Variants in TBL1XR1 observed in about 807,000 individuals in gnomAD.
The protein encoded by TBL1XR1 is F-box-like/WD repeat-containing protein TBL1XR1.
In TBL1XR1, 5 loss-of-function variants were observed where a neutral mutation model predicts 66.9. The ratio of observed to expected loss-of-function variants is 0.07; its 90% CI spans 0.04 to 0.16. The LOEUF (loss-of-function observed/expected upper bound fraction) is 0.16, where lower values mean the gene tolerates loss of function less well. Ranked by LOEUF, TBL1XR1 falls within the 10% of genes least tolerant of loss-of-function variation. The probability of loss-of-function intolerance (pLI) is 1.00; values close to 1 mark genes in which losing one functional copy is unlikely to be tolerated. For missense variants in TBL1XR1, 238 were observed against 623.2 expected, an observed-to-expected ratio of 0.38 and a Z score of 6.58; for synonymous variants, 210 against 206.0, an observed-to-expected ratio of 1.02 and a Z score of -0.17.
In TBL1XR1 at chr3:177,110,571, G is replaced by A. The variant is rs145044683; in HGVS notation, c.-121-12030C>T. Among the ~76,000 whole-genome samples the A allele has an allele frequency of 1.5e-3, 226 of 152,214 alleles. 2 individuals are homozygous for A. The highest frequency in any genetic ancestry group is 4.1e-3 in the Admixed American group (62 of 15,282). ...GAGGAGGCAAAGGATAAATGTCTGT[G>A]AAAATGCATAAAGCTAGAACTATGA... On this transcript the variant is annotated intron_variant, in intron 1 of 15. Coordinates refer to ENST00000457928, the MANE Select transcript of TBL1XR1 (RefSeq NM_024665.7).
At chr3:177,027,885 G>C (rs1368962420) in intron 14 of TBL1XR1, 1 of 152,026 alleles carries the variant, frequency 6.6e-6, no homozygotes, top group Non-Finnish European at 1.5e-5. Context: ...TTAATGAGGA[G>C]AGAAAAAAGT....
At chr3:177,113,823 C>T (rs1382022457) in intron 1 of TBL1XR1, among the ~76,000 whole-genome samples, 2 of 152,142 alleles carry the variant, frequency 1.3e-5, no homozygotes, top group Non-Finnish European at 2.9e-5. Context: ...TATCTCACCC[C>T]AGTCAGTATG....
At chr3:177,113,540 C>T (rs906792938) in intron 1 of TBL1XR1, among the ~76,000 whole-genome samples, 1 of 152,022 alleles carries the variant, frequency 6.6e-6, no homozygotes, top group Non-Finnish European at 1.5e-5. Flanking sequence ...TATTTAAAAT[C>T]GGCAAAATGG....
At chr3:177,115,721 AT>A (rs911222213) in intron 1 of TBL1XR1, among the ~76,000 whole-genome samples, 1 of 152,140 alleles carries the variant, frequency 6.6e-6, no homozygotes, top group Non-Finnish European at 1.5e-5. Context: ...TAAGCTTTTG[AT>A]TTTTTTAGTT....
At chr3:177,130,051 T>C (rs7647456) in intron 1 of TBL1XR1, among the ~76,000 whole-genome samples, 146,550 of 151,578 alleles carry the variant, frequency 0.97, 70,886 homozygotes, top group East Asian at 1. Flanking sequence ...AGATGGAGGC[T>C]GGAGAATCGC....
intron 1 of TBL1XR1, among the ~76,000 whole-genome samples, chr3:177,180,171 G>A (rs1452452234): frequency 4.7e-5 from 7 of 150,364 alleles, no homozygotes; most frequent in African/African-American, 1.7e-4. Flanking sequence ...CGGGAGGCGT[G>A]GGTTGCAGTG....
At chr3:177,176,773 C>G (rs2108950856) in intron 1 of TBL1XR1, among the ~76,000 whole-genome samples, 1 of 152,086 alleles carries the variant, frequency 6.6e-6, no homozygotes, top group Non-Finnish European at 1.5e-5. Context: ...CAAGATTGCG[C>G]CACTGCACTC....
chr3:177,057,907 C>T (rs1224299789), intron 3 of TBL1XR1, among the ~76,000 whole-genome samples: 3 of 152,132 alleles, frequency 2.0e-5, no homozygotes, highest in East Asian at 3.9e-4. Context: ...GCAACGACAG[C>T]TGGCAGGGAG....
At chr3:177,133,667 G>A (rs1037099262) in intron 1 of TBL1XR1, among the ~76,000 whole-genome samples, 25 of 151,970 alleles carry the variant, frequency 1.6e-4, no homozygotes, top group Middle Eastern at 3.4e-3. Context: ...TTTGAGAGGC[G>A]GAGGCAGATG....
chr3:177,113,300 A>G (rs772514036), intron 1 of TBL1XR1, among the ~76,000 whole-genome samples: 4 of 152,232 alleles, frequency 2.6e-5, no homozygotes, highest in Non-Finnish European at 2.9e-5. Flanking sequence ...ACTTCCTGAC[A>G]GCAATCTGGG....
At chr3:177,142,994 G>GT (rs1489148944) in intron 1 of TBL1XR1, among the ~76,000 whole-genome samples, 2 of 151,666 alleles carry the variant, frequency 1.3e-5, no homozygotes, top group East Asian at 3.9e-4. Context: ...TTAGTGCCAC[G>GT]TTTTTGCATG....
chr3:177,034,082 G>GAAA (rs200642827), intron 13 of TBL1XR1, 116 bp downstream of exon 13: 204 of 926,544 alleles, frequency 2.2e-4, no homozygotes, highest in South Asian at 6.3e-4. Flanking sequence ...ACTGAAATTG[G>GAAA]AAAAAAAAAA....
At chr3:177,186,630 G>A (rs1735441331) in intron 1 of TBL1XR1, among the ~76,000 whole-genome samples, 1 of 152,094 alleles carries the variant, frequency 6.6e-6, no homozygotes, top group Non-Finnish European at 1.5e-5. Flanking sequence ...ACAGTTGAAG[G>A]TAACCACTAA....
chr3:177,168,611 A>C (rs1357774318), intron 1 of TBL1XR1, among the ~76,000 whole-genome samples: 1 of 152,144 alleles, frequency 6.6e-6, no homozygotes, highest in Non-Finnish European at 1.5e-5. Context: ...CTCCAAATAC[A>C]ATGTATTTCA....
intron 1 of TBL1XR1, among the ~76,000 whole-genome samples, chr3:177,102,694 A>C (rs1204887922): frequency 6.6e-6 from 1 of 152,226 alleles, no homozygotes; most frequent in African/African-American, 2.4e-5. Flanking sequence ...CACTGTGTGC[A>C]GTGTTATCTG....
intron 1 of TBL1XR1, among the ~76,000 whole-genome samples, chr3:177,135,244 C>G (rs1327259869): frequency 6.8e-6 from 1 of 147,022 alleles, no homozygotes; most frequent in Non-Finnish European, 1.5e-5. Flanking sequence ...TCAGGTAATC[C>G]ACCCACCTCG....
At chr3:177,147,617 A>G (rs1387114846) in intron 1 of TBL1XR1, among the ~76,000 whole-genome samples, 1 of 152,196 alleles carries the variant, frequency 6.6e-6, no homozygotes, top group Non-Finnish European at 1.5e-5. Flanking sequence ...TTCATTCTGG[A>G]ATCTAGCAAA....
chr3:177,193,801 T>A (rs1455979444), intron 1 of TBL1XR1, among the ~76,000 whole-genome samples: 1 of 151,994 alleles, frequency 6.6e-6, no homozygotes, highest in Non-Finnish European at 1.5e-5. Flanking sequence ...CTGGGAAAAT[T>A]CCGCAGATTC....
At chr3:177,072,847 TGAGGTCAG>T (rs1185393304) in intron 2 of TBL1XR1, among the ~76,000 whole-genome samples, 1 of 152,172 alleles carries the variant, frequency 6.6e-6, no homozygotes, top group Non-Finnish European at 1.5e-5. Flanking sequence ...GTGGATCACT[TGAGGTCAG>T]GAGTTCGAGA....
Sources: gnomAD v4.1 joint callset for allele counts (sites outside exome capture counted in the v4.1 genomes callset) on GRCh38, gnomAD v4.1.1 for gene constraint, MANE v1.5 for transcripts, NCBI Gene and HGNC (gene_info 2026-07-23, HGNC 2026-07-21) for gene names.